Variants in LRMDA observed in about 807,000 individuals in gnomAD.
The protein encoded by LRMDA is leucine rich melanocyte differentiation associated.
In LRMDA, 18 loss-of-function variants were observed where a neutral mutation model predicts 29.8. The ratio of observed to expected loss-of-function variants is 0.60; its 90% CI spans 0.42 to 0.90. LRMDA has a LOEUF of 0.90. LRMDA is among the 40% of genes least tolerant of loss of function. The probability of loss-of-function intolerance (pLI) is 0.00; values close to 1 mark genes in which losing one functional copy is unlikely to be tolerated. For missense variants in LRMDA, 273 were observed against 273.9 expected, an observed-to-expected ratio of 1.00 and a Z score of 0.02; for synonymous variants, 125 against 109.4, an observed-to-expected ratio of 1.14 and a Z score of -0.89.
intron 4 of LRMDA, among the ~76,000 whole-genome samples, chr10:76,056,849 G>T (rs953243578): frequency 6.6e-6 from 1 of 152,182 alleles, no homozygotes; most frequent in African/African-American, 2.4e-5. Context: ...GCACCTGGGA[G>T]CAGGGGCTCC....
At chr10:75,661,732 G>A (rs868695327) in intron 2 of LRMDA, among the ~76,000 whole-genome samples, 42 of 152,172 alleles carry the variant, frequency 2.8e-4, no homozygotes, top group African/African-American at 9.9e-4. Flanking sequence ...CACACATGAT[G>A]TACAGATTGG....
chr10:76,458,292 C>T (rs545191133), intron 6 of LRMDA, among the ~76,000 whole-genome samples: 45 of 152,236 alleles, frequency 3.0e-4, no homozygotes, highest in African/African-American at 1.1e-3. Context: ...TGAACCTGAA[C>T]CAGCCTGCAC....
intron 6 of LRMDA, among the ~76,000 whole-genome samples, chr10:76,504,675 T>A (rs906714018): frequency 4.6e-5 from 7 of 152,056 alleles, no homozygotes; most frequent in Non-Finnish European, 7.4e-5. Context: ...ATCCTGCTAC[T>A]TTTAGCCTGT....
chr10:75,761,297 G>A (rs1287771034), intron 2 of LRMDA, among the ~76,000 whole-genome samples: 3 of 152,156 alleles, frequency 2.0e-5, no homozygotes, highest in Admixed American at 1.3e-4. Context: ...TCTATCAACA[G>A]ATGAATGGAT....
chr10:75,860,880 C>A (rs1379469441), intron 2 of LRMDA, among the ~76,000 whole-genome samples: 1 of 152,138 alleles, frequency 6.6e-6, no homozygotes, highest in Non-Finnish European at 1.5e-5. Flanking sequence ...CTTGCACCTG[C>A]CACTTATTGA....
chr10:75,548,837 G>T (rs1840110058), intron 2 of LRMDA, among the ~76,000 whole-genome samples: 1 of 152,098 alleles, frequency 6.6e-6, no homozygotes, highest in Non-Finnish European at 1.5e-5. Context: ...TCCATTTGAG[G>T]CAACAGAAGG....
chr10:76,485,895 G>A (rs981436609), intron 6 of LRMDA, among the ~76,000 whole-genome samples: 3 of 151,790 alleles, frequency 2.0e-5, no homozygotes, highest in African/African-American at 7.3e-5. Flanking sequence ...GACTGCTATA[G>A]CTCCCAGGCT....
chr10:76,145,286 T>C (rs1850291577), intron 5 of LRMDA, among the ~76,000 whole-genome samples: 1 of 152,222 alleles, frequency 6.6e-6, no homozygotes, highest in Admixed American at 6.5e-5. Context: ...TCTTTTCACC[T>C]CTGGTAGAAT....
At chr10:76,539,776 G>C (rs1281924737) in intron 6 of LRMDA, among the ~76,000 whole-genome samples, 1 of 152,140 alleles carries the variant, frequency 6.6e-6, no homozygotes, top group African/African-American at 2.4e-5. Flanking sequence ...GAGAGGCACA[G>C]ACTGATTAAG....
At position 76,093,629 on chromosome 10, in the gene LRMDA, A is replaced by G. The variant is rs74148662; in HGVS notation, c.516+34846A>G. On this transcript the variant is annotated intron_variant, in intron 5 of 6. Transcript: ENST00000611255. The stretch of plus-strand genomic sequence containing the variant: ...TTCCTTCATTGCCCGACTTAAGAAC[A>G]GTCTTGTCCCGATTCCTTTACTGCT... Among the ~76,000 whole-genome samples the G allele has an allele frequency of 9.4e-3, 1,424 of 151,990 alleles. 26 individuals carry two copies. Among genetic ancestry groups the G allele is most frequent in the African/African-American group, 0.033 (1,349 of 41,432 alleles).
chr10:76,392,134 G>A lies in LRMDA; in HGVS notation c.601+67649G>A, dbSNP rs570487645. On this transcript the variant is annotated intron_variant, in intron 6 of 6. Coordinates refer to ENST00000611255, the MANE Select transcript of LRMDA (RefSeq NM_001305581.2). The stretch of plus-strand genomic sequence containing the variant: ...ATAATCTCATTGATTGCTTAGTACA[G>A]CTAATTCTATTTTCTGATGATAATT... 7.9e-5 allele frequency among the ~76,000 whole-genome samples: 12 copies of A among 152,162 alleles called. 1 individual carries two copies. The South Asian group carries it at 2.5e-3, about 32-fold the overall frequency.
intron 2 of LRMDA, among the ~76,000 whole-genome samples, chr10:75,991,935 T>C (rs538816561): frequency 6.6e-6 from 1 of 152,308 alleles, no homozygotes; most frequent in East Asian, 1.9e-4. Context: ...TGACATCTCC[T>C]TGACGTGTCT....
intron 2 of LRMDA, among the ~76,000 whole-genome samples, chr10:75,714,231 G>A (rs1842471423): frequency 6.6e-6 from 1 of 152,198 alleles, no homozygotes. Flanking sequence ...GGAGCTCCAT[G>A]AGACATATTT....
chr10:75,482,124 G>GTA (rs1844861833), intron 2 of LRMDA, among the ~76,000 whole-genome samples: 1 of 152,126 alleles, frequency 6.6e-6, no homozygotes, highest in African/African-American at 2.4e-5. Context: ...CCCTCAGAGT[G>GTA]TATACTCCTG....
chr10:76,415,295 T>C (rs1312567166), intron 6 of LRMDA, among the ~76,000 whole-genome samples: 1 of 152,246 alleles, frequency 6.6e-6, no homozygotes, highest in African/African-American at 2.4e-5. Context: ...AATCTTCTCC[T>C]GCCTTGTTTA....
chr10:76,081,012 G>C (rs1353205455), intron 5 of LRMDA, among the ~76,000 whole-genome samples: 1 of 152,204 alleles, frequency 6.6e-6, no homozygotes, highest in South Asian at 2.1e-4. Context: ...TGTGTTCAGC[G>C]CTTTCACTAA....
At chr10:75,635,536 G>A (rs1329032466) in intron 2 of LRMDA, among the ~76,000 whole-genome samples, 1 of 152,052 alleles carries the variant, frequency 6.6e-6, no homozygotes, top group Non-Finnish European at 1.5e-5. Flanking sequence ...TGTACCAGGA[G>A]GCCTAATTTC....
At chr10:76,411,302 A>G (rs796351272) in intron 6 of LRMDA, among the ~76,000 whole-genome samples, 8 of 152,308 alleles carry the variant, frequency 5.3e-5, no homozygotes, top group African/African-American at 1.7e-4. Context: ...GGCTCTCCAT[A>G]GTATACGTGG....
intron 2 of LRMDA, among the ~76,000 whole-genome samples, chr10:76,024,285 C>T (rs1848025485): frequency 6.6e-6 from 1 of 152,204 alleles, no homozygotes; most frequent in South Asian, 2.1e-4. Context: ...AACTCTTTTT[C>T]TCTATGCTGC....
Sources: allele counts gnomAD v4.1 joint callset (sites outside exome capture counted in the v4.1 genomes callset), GRCh38; gene constraint gnomAD v4.1.1; transcripts MANE v1.5; gene names NCBI Gene and HGNC (gene_info 2026-07-23, HGNC 2026-07-21).